STXBP5L: variants seen among roughly 807,000 people sequenced by gnomAD.
STXBP5L encodes the protein syntaxin-binding protein 5-like.
STXBP5L carries 65 observed loss-of-function variants against 144.5 expected under a neutral mutation model. That is an observed-to-expected ratio of 0.45 (90% confidence interval 0.37 to 0.55). The LOEUF is 0.55. Among genes scored for constraint, STXBP5L ranks in the 20% least tolerant of loss-of-function variants. The probability of loss-of-function intolerance (pLI) is 0.00; values close to 1 mark genes in which losing one functional copy is unlikely to be tolerated. For synonymous variants in STXBP5L, 505 were observed against 469.6 expected, an observed-to-expected ratio of 1.08 and a Z score of -0.97; for missense variants, 1,298 against 1,405.5, an observed-to-expected ratio of 0.92 and a Z score of 1.22.
rs957189296 is a variant in STXBP5L, at chr3:121,199,654, C to T, written c.878-6269C>T. On this transcript the variant is annotated intron_variant, in intron 9 of 26. Coordinates refer to ENST00000471454, the MANE Select transcript of STXBP5L (RefSeq NM_001308330.2). ...AGCTTTTATTATTTTTACATATCTT[C>T]TATCAATACCTAGTTTATTGAGAGT... Among the ~76,000 whole-genome samples, 4 of 152,176 alleles carry T rather than the reference C, an allele frequency of 2.6e-5. No homozygotes were observed. The East Asian group carries it at 7.7e-4, about 29-fold the overall frequency.
rs181162967 is a variant in STXBP5L at position 121,010,270 on chromosome 3, A to G, written c.288-31430A>G. Among the ~76,000 whole-genome samples, 6 of 151,900 alleles carry G rather than the reference A, an allele frequency of 3.9e-5. No individual in the cohort carries two copies. In the East Asian group the frequency reaches 7.8e-4, roughly 20 times the overall value. On this transcript the variant is annotated intron_variant, in intron 3 of 26. Coordinates refer to ENST00000471454, the MANE Select transcript of STXBP5L (RefSeq NM_001308330.2). Reference sequence around the variant, plus strand: ...TTGGGGAAGGAGTGAGGGAATCACTACTACACATAGTTGTTGTGGCACTGC... The same window carrying G: ...TTGGGGAAGGAGTGAGGGAATCACTGCTACACATAGTTGTTGTGGCACTGC...
intron 20 of STXBP5L, among the ~76,000 whole-genome samples, chr3:121,359,967 C>A (rs1429011629): frequency 3.7e-5 from 2 of 54,676 alleles, no homozygotes; most frequent in Non-Finnish European, 8.5e-5. Context: ...TGTGGTTATA[C>A]ATATATAATA....
At chr3:121,040,971 G>A (rs1047302597) in intron 3 of STXBP5L, among the ~76,000 whole-genome samples, 2 of 151,926 alleles carry the variant, frequency 1.3e-5, no homozygotes, top group African/African-American at 4.8e-5. Context: ...CTTTATGCAA[G>A]CAAACAAATG....
intron 10 of STXBP5L, among the ~76,000 whole-genome samples, chr3:121,219,112 A>C (rs529186591): frequency 5.9e-5 from 9 of 152,246 alleles, no homozygotes; most frequent in African/African-American, 1.9e-4. Context: ...CTGTCATCCC[A>C]CCTACTTGTG....
chr3:121,094,493 T>A (rs1473339089), intron 5 of STXBP5L, among the ~76,000 whole-genome samples: 1 of 152,258 alleles, frequency 6.6e-6, no homozygotes, highest in East Asian at 1.9e-4. Context: ...TAGTTAGCTC[T>A]TCTTGTTGAA....
At chr3:121,067,163 T>C (rs2041589353) in intron 5 of STXBP5L, among the ~76,000 whole-genome samples, 1 of 152,070 alleles carries the variant, frequency 6.6e-6, no homozygotes, top group Non-Finnish European at 1.5e-5. Flanking sequence ...ATTTTTCTAG[T>C]TTACTGATTT....
intron 3 of STXBP5L, among the ~76,000 whole-genome samples, chr3:121,018,713 C>T (rs745536264): frequency 6.6e-6 from 1 of 152,130 alleles, no homozygotes; most frequent in Admixed American, 6.5e-5. Context: ...GAATCGGTAA[C>T]TTGGATTTTA....
chr3:121,290,590 A>C (rs1320957447), intron 19 of STXBP5L, among the ~76,000 whole-genome samples: 3 of 152,194 alleles, frequency 2.0e-5, no homozygotes, highest in African/African-American at 7.2e-5. Flanking sequence ...CAAAACCAAG[A>C]AGGGACATAA....
chr3:121,184,849 G>A lies in STXBP5L; in HGVS notation c.878-21074G>A, dbSNP rs536055607. On this transcript the variant is annotated intron_variant, in intron 9 of 26. Transcript: ENST00000471454. ...GGTTACCCAGAAAGGAAAGCCTATC[G>A]GACTAACAGCAGATCTCTCAGCAGA... 2.4e-4 allele frequency among the ~76,000 whole-genome samples: 37 copies of A among 152,228 alleles called. No individual in the cohort carries two copies. In the East Asian group the frequency reaches 4.4e-3, roughly 18 times the overall value.
At position 121,045,544 on chromosome 3, in the gene STXBP5L, C is replaced by G; in HGVS notation, c.470+9C>G. ...AAATTTAACCGGGAACGGTAAGAAC[C>G]TATGAATTAAACAATTTCTTAATGT... On this transcript the variant is annotated intron_variant, in intron 5 of 26. Coordinates refer to ENST00000471454, the MANE Select transcript of STXBP5L (RefSeq NM_001308330.2). 1 of 1,598,334 alleles carries G rather than the reference C, an allele frequency of 6.3e-7. No homozygotes were observed.
At chr3:121,227,935 G>C (rs2049173289) in intron 11 of STXBP5L, among the ~76,000 whole-genome samples, 1 of 152,134 alleles carries the variant, frequency 6.6e-6, no homozygotes, top group South Asian at 2.1e-4. Context: ...ATCTGTACAA[G>C]ATGAGAGATA....
chr3:121,268,581 ATT>A (rs1422992235), intron 18 of STXBP5L, among the ~76,000 whole-genome samples: 8 of 152,122 alleles, frequency 5.3e-5, no homozygotes, highest in African/African-American at 1.9e-4. Context: ...AAAGATATAT[ATT>A]GATTATTACC....
At chr3:121,132,124 C>G (rs1490151026) in intron 7 of STXBP5L, among the ~76,000 whole-genome samples, 1 of 152,202 alleles carries the variant, frequency 6.6e-6, no homozygotes, top group African/African-American at 2.4e-5. Context: ...AGCTCTGAAA[C>G]AGCCTAGCTG....
chr3:121,010,418 T>G (rs1265519532), intron 3 of STXBP5L, among the ~76,000 whole-genome samples: 1 of 151,812 alleles, frequency 6.6e-6, no homozygotes, highest in African/African-American at 2.4e-5. Context: ...AATATTAGTC[T>G]TCTGCTATTC....
chr3:121,038,680 G>C (rs921624752), intron 3 of STXBP5L, among the ~76,000 whole-genome samples: 2 of 151,822 alleles, frequency 1.3e-5, no homozygotes, highest in African/African-American at 2.4e-5. Context: ...TAGTTATCGA[G>C]AAAGGGGTGC....
intron 22 of STXBP5L, among the ~76,000 whole-genome samples, chr3:121,387,977 A>G (rs913384049): frequency 6.6e-6 from 1 of 152,192 alleles, no homozygotes; most frequent in Non-Finnish European, 1.5e-5. Flanking sequence ...CATTGAATCT[A>G]TAAATTACCT....
At chr3:121,218,124 A>G (rs1484257312) in intron 10 of STXBP5L, among the ~76,000 whole-genome samples, 1 of 141,836 alleles carries the variant, frequency 7.1e-6, no homozygotes, top group Non-Finnish European at 1.5e-5. Context: ...ATAGTATAAT[A>G]TAATATGTAG....
chr3:121,041,764 C>A lies in STXBP5L; in HGVS notation c.352C>A (p.Gln118Lys), dbSNP rs1947174994. The A allele has an allele frequency of 6.2e-7, 1 of 1,612,192 alleles. No homozygotes were observed. ...HESGAAVLQL[Q>K]FLINEGALVS... Reference sequence around the variant, plus strand: ...AAGTGGTGCAGCTGTCCTACAGCTCCAATTTTTGATCAATGAGGTAAGGAT... The same window carrying A: ...AAGTGGTGCAGCTGTCCTACAGCTCAAATTTTTGATCAATGAGGTAAGGAT... The change falls in exon 4 of 27, where the codon CAA (glutamine) becomes AAA (lysine). Residue 118 changes from glutamine to lysine, a missense_variant. Coordinates refer to ENST00000471454, the MANE Select transcript of STXBP5L (RefSeq NM_001308330.2).
intron 19 of STXBP5L, among the ~76,000 whole-genome samples, chr3:121,296,109 A>G (rs2051638972): frequency 6.6e-6 from 1 of 152,194 alleles, no homozygotes; most frequent in Non-Finnish European, 1.5e-5. Context: ...TTCCAACCAG[A>G]ATTTATTACA....
Sources: allele counts gnomAD v4.1 joint callset (sites outside exome capture counted in the v4.1 genomes callset), GRCh38; gene constraint gnomAD v4.1.1; transcripts MANE v1.5; gene names NCBI Gene and HGNC (gene_info 2026-07-23, HGNC 2026-07-21).